GSE1: variants seen among roughly 807,000 people sequenced by gnomAD.
GSE1 encodes the protein genetic suppressor element 1.
Under a neutral mutation model 112.6 loss-of-function variants are expected in GSE1, and 32 were observed. The ratio of observed to expected loss-of-function variants is 0.28; its 90% CI spans 0.21 to 0.38. The LOEUF is 0.38. Ranked by LOEUF, GSE1 falls within the 10% of genes least tolerant of loss-of-function variation. The pLI, the probability that GSE1 is intolerant of heterozygous loss-of-function variation, is 1.00. For synonymous variants in GSE1, 1,115 were observed against 735.6 expected, an observed-to-expected ratio of 1.52 and a Z score of -8.35; for missense variants, 2,348 against 1,699.2, an observed-to-expected ratio of 1.38 and a Z score of -6.71.
intron 2 of GSE1, among the ~76,000 whole-genome samples, chr16:85,369,319 G>C (rs2054701): frequency 0.96 from 146,594 of 152,122 alleles, 70,841 homozygotes; most frequent in East Asian, 1. Flanking sequence ...TGGGCTCAAG[G>C]GATCCTCCCA....
intron 1 of GSE1, among the ~76,000 whole-genome samples, chr16:85,176,662 G>A (rs1399745388): frequency 1.3e-5 from 2 of 152,268 alleles, no homozygotes; most frequent in South Asian, 2.1e-4. Context: ...GCATGCAGCT[G>A]TTTACCTAAC....
intron 1 of GSE1, among the ~76,000 whole-genome samples, chr16:85,325,158 C>T (rs1053874726): frequency 1.3e-5 from 2 of 152,004 alleles, no homozygotes; most frequent in Non-Finnish European, 2.9e-5. Context: ...TTCATAGAGA[C>T]GAGGTCTCAC....
At chr16:85,438,477 G>A (rs1056580963) in intron 2 of GSE1, among the ~76,000 whole-genome samples, 3 of 152,200 alleles carry the variant, frequency 2.0e-5, no homozygotes, top group Admixed American at 2.0e-4. Context: ...TGGTGGACCT[G>A]CTCTAAACGC....
intron 1 of GSE1, among the ~76,000 whole-genome samples, chr16:85,321,142 T>C (rs965249306): frequency 6.6e-6 from 1 of 152,210 alleles, no homozygotes; most frequent in Non-Finnish European, 1.5e-5. Flanking sequence ...ACAGGGACCT[T>C]GTCTGTCTCT....
chr16:85,480,938 C>G (rs774071829), intron 2 of GSE1, among the ~76,000 whole-genome samples: 1 of 152,248 alleles, frequency 6.6e-6, no homozygotes, highest in African/African-American at 2.4e-5. Flanking sequence ...CAGGGAGCAG[C>G]GCGTGCAGAA....
chr16:85,414,135 G>T (rs1211746684), intron 2 of GSE1, among the ~76,000 whole-genome samples: 1 of 152,174 alleles, frequency 6.6e-6, no homozygotes, highest in Non-Finnish European at 1.5e-5. Context: ...TGCACAGCTG[G>T]CACTCCCCCA....
chr16:85,457,263 C>T (rs1157597456), intron 2 of GSE1, among the ~76,000 whole-genome samples: 1 of 152,148 alleles, frequency 6.6e-6, no homozygotes, highest in Non-Finnish European at 1.5e-5. Flanking sequence ...GAACCCAGAG[C>T]AAGGAAGATG....
chr16:85,670,833 A>T, intron 14 of GSE1, 162 bp from the exon 15 acceptor site: 1 of 559,812 alleles, frequency 1.8e-6, no homozygotes, highest in East Asian at 3.1e-5. Flanking sequence ...TATCGGTACA[A>T]TTCAAAGGGC....
At chr16:85,588,639 G>A (rs977125304) in intron 1 of GSE1, among the ~76,000 whole-genome samples, 16 of 152,262 alleles carry the variant, frequency 1.1e-4, no homozygotes, top group African/African-American at 3.9e-4. Flanking sequence ...GCTGGGACAA[G>A]AAGTATTATC....
chr16:85,634,626 T>G (rs1168619814), intron 2 of GSE1, among the ~76,000 whole-genome samples: 1 of 152,028 alleles, frequency 6.6e-6, no homozygotes, highest in Non-Finnish European at 1.5e-5. Context: ...ACTGCTCAAC[T>G]CCCTGAGGCA....
In GSE1 at chr16:85,656,714, G is replaced by A. The variant is rs114192686; in HGVS notation, c.1312+49G>A. On this transcript the variant is annotated intron_variant, in intron 7 of 15. Coordinates refer to ENST00000253458, the MANE Select transcript of GSE1 (RefSeq NM_014615.5). ...GCTGGGCAAGGTCTCAGCCACCCGC[G>A]GGGAGGAGCCCTGAATCGCAGCACC... is the stretch of plus-strand genomic sequence containing the variant. 2.5e-4 allele frequency: 361 copies of A among 1,447,940 alleles called. 3 individuals carry two copies. The African/African-American group carries it at 4.5e-3, about 18-fold the overall frequency. The allele number at this position is 1,447,940 out of a possible 1,614,324, so 89.7% of individuals were successfully genotyped here. A position where few individuals can be genotyped will look rare whatever the true frequency, so the allele number is the denominator to read the frequency against.
At chr16:85,199,432 C>A (rs539892965) in intron 1 of GSE1, among the ~76,000 whole-genome samples, 1 of 152,302 alleles carries the variant, frequency 6.6e-6, no homozygotes, top group African/African-American at 2.4e-5. Flanking sequence ...GCCGAGTCTT[C>A]TGACCAAAAG....
chr16:85,186,450 A>G (rs1387488107), intron 1 of GSE1, among the ~76,000 whole-genome samples: 1 of 101,998 alleles, frequency 9.8e-6, no homozygotes. Context: ...TAAAAATACA[A>G]AAATTAACTG....
At chr16:85,559,586 A>G (rs2045414251) in intron 1 of GSE1, among the ~76,000 whole-genome samples, 1 of 152,236 alleles carries the variant, frequency 6.6e-6, no homozygotes, top group African/African-American at 2.4e-5. Flanking sequence ...TCAGGCTGGC[A>G]TCAGGCACCC....
intron 2 of GSE1, among the ~76,000 whole-genome samples, chr16:85,426,092 TGAGAGGGAGGGA>T (rs1567477137): frequency 4.3e-4 from 18 of 41,676 alleles, no homozygotes; most frequent in Admixed American, 1.0e-3. Context: ...GATGGGTGAA[TGAGAGGGAGGGA>T]GGAAGGAAGG....
At position 85,359,568 on chromosome 16, in the gene GSE1, C is replaced by G. The variant is rs999815418; in HGVS notation, c.2464+1925C>G. 3 of 361,688 alleles carry G rather than the reference C, an allele frequency of 8.3e-6. No homozygotes were observed. The Admixed American group carries it at 1.0e-4, about 12-fold the overall frequency. 22.4% of individuals were successfully genotyped at this position (361,688 alleles called of 1,614,324 possible). A position where few individuals can be genotyped will look rare whatever the true frequency, so the allele number is the denominator to read the frequency against. ...AGAGGTTTCGTGGCAACCTCGTGAG[C>G]TGATGCTTGTAAGCTGCTTGAAGAG... On this transcript the variant is annotated intron_variant, in intron 2 of 2. Coordinates refer to the GSE1 transcript ENST00000637419.
chr16:85,244,266 C>T (rs976062510), intron 1 of GSE1, among the ~76,000 whole-genome samples: 1 of 151,996 alleles, frequency 6.6e-6, no homozygotes, highest in Admixed American at 6.6e-5. Flanking sequence ...AGGTGGGATG[C>T]CAGAGGCACT....
At chr16:85,269,876 A>C (rs1355438832) in intron 1 of GSE1, among the ~76,000 whole-genome samples, 1 of 149,472 alleles carries the variant, frequency 6.7e-6, no homozygotes, top group African/African-American at 2.4e-5. Context: ...TTGATGACCA[A>C]GCAGCACCCG....
chr16:85,499,157 G>A (rs1475999782), intron 2 of GSE1, among the ~76,000 whole-genome samples: 2 of 152,082 alleles, frequency 1.3e-5, no homozygotes, highest in Non-Finnish European at 2.9e-5. Context: ...CTAGGACTTG[G>A]GACACTCCTG....
Sources: allele counts gnomAD v4.1 joint callset (sites outside exome capture counted in the v4.1 genomes callset), GRCh38; gene constraint gnomAD v4.1.1; transcripts MANE v1.5; gene names NCBI Gene and HGNC (gene_info 2026-07-23, HGNC 2026-07-21).